ZNF571: variants seen among roughly 807,000 people sequenced by gnomAD.
ZNF571 encodes the protein zinc finger protein 571.
Under a neutral mutation model 7.7 loss-of-function variants are expected in ZNF571, and 4 were observed. That is an observed-to-expected ratio of 0.52 (90% CI 0.25 to 1.18). The LOEUF (loss-of-function observed/expected upper bound fraction) is 1.18, where lower values mean the gene tolerates loss of function less well. Ranked by LOEUF, ZNF571 falls within the 50% of genes most tolerant of loss-of-function variation. ZNF571 has a pLI of 0.14. For missense variants in ZNF571, 704 were observed against 726.9 expected (o/e 0.97, Z 0.36); for synonymous variants, 251 against 232.4 (o/e 1.08, Z -0.73).
Position 37,564,623 on chromosome 19 carries a change from G to C in ZNF571, c.1805C>G (p.Thr602Ser), listed in dbSNP as rs753433825. The C allele has an allele frequency of 6.4e-7, 1 of 1,550,794 alleles. No homozygotes were observed. The highest frequency in any genetic ancestry group is 1.3e-5 in the South Asian group (1 of 79,956). ...GKDFRCPSQL[T>S]QHTRLHN ...TCAATTATGAAGCCTTGTATGTTGA[G>C]TAAGTTGTGAAGGACATCTAAAGTC... The change falls in exon 4 of 4, where the codon ACT (threonine) becomes AGT (serine). Residue 602 changes from threonine to serine, a missense_variant. By Grantham distance (58) the Thr-to-Ser change is moderately conservative (BLOSUM62 1). Coordinates refer to ENST00000451802, the MANE Select transcript of ZNF571 (RefSeq NM_016536.5).
chr19:37,591,637 C>T (rs1395291211), intron 1 of ZNF571, among the ~76,000 whole-genome samples: 2 of 152,166 alleles, frequency 1.3e-5, no homozygotes, highest in South Asian at 2.1e-4. Flanking sequence ...CTCGGCCTCC[C>T]GGGTTCAAAT....
chr19:37,583,156 C>T (rs1047224720), intron 3 of ZNF571, among the ~76,000 whole-genome samples: 1 of 152,180 alleles, frequency 6.6e-6, no homozygotes, highest in East Asian at 1.9e-4. Context: ...CCCTGATTTA[C>T]AGCCAACTTT....
At chr19:37,583,505 A>G (rs1407201526) in intron 3 of ZNF571, 1 of 153,462 alleles carries the variant, frequency 6.5e-6, no homozygotes, top group East Asian at 1.9e-4. Flanking sequence ...AGGCCTTTGA[A>G]GAGAGCTTCA....
chr19:37,576,451 G>C (rs560076260), intron 3 of ZNF571, among the ~76,000 whole-genome samples: 2 of 152,098 alleles, frequency 1.3e-5, no homozygotes, highest in Non-Finnish European at 2.9e-5. Context: ...TTAGCAGCTC[G>C]TAAAACCTTA....
At position 37,565,260 on chromosome 19, in the gene ZNF571, G is replaced by T; in HGVS notation, c.1168C>A (p.Pro390Thr). The change falls in exon 4 of 4, where the codon CCT (proline) becomes ACT (threonine). Residue 390 changes from proline (P) to threonine (T), a missense_variant. Coordinates refer to ENST00000451802, the MANE Select transcript of ZNF571 (RefSeq NM_016536.5). ...TTCCCACATTCTTTGCATTTATAAGGTCTCTCACCTGAATGAACTCTCAGG... is the reference window on the plus strand; with the variant it reads ...TTCCCACATTCTTTGCATTTATAAGTTCTCTCACCTGAATGAACTCTCAGG... ...YHLRVHSGER[P>T]YKCKECGKAF... is the part of the protein sequence containing the mutation. 1.2e-6 allele frequency: 2 copies of T among 1,611,738 alleles called. No individual in the cohort carries two copies. The highest frequency in any genetic ancestry group is 2.2e-5 in the East Asian group (1 of 44,840).
chr19:37,568,459 A>G (rs1051184921), intron 3 of ZNF571, among the ~76,000 whole-genome samples: 1 of 152,144 alleles, frequency 6.6e-6, no homozygotes, highest in Non-Finnish European at 1.5e-5. Flanking sequence ...AAAGAAATCA[A>G]TGGGCTTATG....
At chr19:37,582,520 G>A (rs969963591) in intron 3 of ZNF571, among the ~76,000 whole-genome samples, 13 of 151,996 alleles carry the variant, frequency 8.6e-5, no homozygotes, top group African/African-American at 2.7e-4. Flanking sequence ...AAACCAATTC[G>A]CTCCATAATC....
Position 37,564,861 on chromosome 19 carries a change from T to C in ZNF571, c.1567A>G (p.Ile523Val), listed in dbSNP as rs145983673. 1.1e-3 allele frequency: 1,828 copies of C among 1,613,978 alleles called. 1 individual carries two copies. The highest frequency in any genetic ancestry group is 1.4e-3 in the Non-Finnish European group (1,694 of 1,179,976). ...TCATAAGGTTTTTCACCTCTGTGAA[T>C]TCTCTGATGTTCACTAAGTTGTGAG... ...YGSQLSEHQR[I>V]HRGEKPYECK... is the part of the protein sequence containing the mutation. Residue 523 changes from isoleucine (I) to valine (V), a missense_variant, in exon 4 of 4, where the codon ATT becomes GTT. Transcript: ENST00000451802.
Position 37,582,197 on chromosome 19 carries a change from C to A in ZNF571, c.136+1774G>T, listed in dbSNP as rs116748644. On this transcript the variant is annotated intron_variant, in intron 3 of 3. Transcript: ENST00000451802. ...TGTTGACTTACTTCTTTCTCACTCT[C>A]TTTTAAATACTCCACAATGAGGTTT... 6.1e-3 allele frequency among the ~76,000 whole-genome samples: 933 copies of A among 152,298 alleles called. 11 individuals carry two copies. Among genetic ancestry groups the A allele is most frequent in the African/African-American group, 0.021 (880 of 41,554 alleles).
chr19:37,594,151 G>A (rs1465148243), intron 1 of ZNF571: 1 of 152,174 alleles, frequency 6.6e-6, no homozygotes, highest in Non-Finnish European at 1.5e-5. Flanking sequence ...TTTAACAGTG[G>A]TCTTCTTCCT....
intron 3 of ZNF571, among the ~76,000 whole-genome samples, chr19:37,573,832 CAAA>C (rs753161725): frequency 8.5e-6 from 1 of 117,782 alleles, no homozygotes; most frequent in Non-Finnish European, 1.8e-5. Context: ...GATCCTGTTT[CAAA>C]AAAAAAAAAA....
At chr19:37,573,893 C>T (rs1179956281) in intron 3 of ZNF571, among the ~76,000 whole-genome samples, 1 of 151,820 alleles carries the variant, frequency 6.6e-6, no homozygotes, top group Non-Finnish European at 1.5e-5. Context: ...GCTGCTATTA[C>T]TACTTTATTC....
At chr19:37,587,495 A>C (rs1030781534) in intron 1 of ZNF571, 3 of 152,350 alleles carry the variant, frequency 2.0e-5, no homozygotes, top group Non-Finnish European at 2.9e-5. Context: ...ATGACAGCCA[A>C]TGTGCGCACA....
intron 1 of ZNF571, among the ~76,000 whole-genome samples, chr19:37,592,517 A>G (rs1361833478): frequency 1.3e-5 from 2 of 152,174 alleles, no homozygotes; most frequent in Non-Finnish European, 2.9e-5. Context: ...ACCAAGTTTC[A>G]CCCACTTGGA....
chr19:37,591,122 G>C (rs1377816420), intron 1 of ZNF571, among the ~76,000 whole-genome samples: 1 of 152,130 alleles, frequency 6.6e-6, no homozygotes, highest in Non-Finnish European at 1.5e-5. Context: ...TCCCTGAAAT[G>C]GCCTAGAATA....
intron 1 of ZNF571, among the ~76,000 whole-genome samples, chr19:37,593,502 G>T (rs2043927613): frequency 6.6e-6 from 1 of 152,180 alleles, no homozygotes; most frequent in African/African-American, 2.4e-5. Flanking sequence ...AGGAGATCGA[G>T]ACCATCCTGG....
chr19:37,566,404 CA>C (rs2042862201), intron 3 of ZNF571, 113 bp from the exon 4 acceptor site: 3 of 1,235,954 alleles, frequency 2.4e-6, no homozygotes, highest in Non-Finnish European at 3.3e-6. Context: ...ATGGCTTAAA[CA>C]GTACAGAAAT....
At chr19:37,572,412 A>G (rs2043093850) in intron 3 of ZNF571, among the ~76,000 whole-genome samples, 2 of 152,202 alleles carry the variant, frequency 1.3e-5, no homozygotes, top group African/African-American at 4.8e-5. Context: ...ATCCTACTCC[A>G]TCTTGCTCAA....
intron 3 of ZNF571, among the ~76,000 whole-genome samples, chr19:37,577,309 T>C (rs2043275820): frequency 6.6e-6 from 1 of 152,102 alleles, no homozygotes; most frequent in Non-Finnish European, 1.5e-5. Flanking sequence ...TAAACCAAAG[T>C]GTTTATTAAA....
Sources: allele counts gnomAD v4.1 joint callset (sites outside exome capture counted in the v4.1 genomes callset), GRCh38; gene constraint gnomAD v4.1.1; transcripts MANE v1.5; gene names NCBI Gene and HGNC (gene_info 2026-07-23, HGNC 2026-07-21).